EXOC3: variants seen among roughly 807,000 people sequenced by gnomAD.
EXOC3 encodes exocyst complex component 3.
Under a neutral mutation model 73.7 loss-of-function variants are expected in EXOC3, and 21 were observed. The ratio of observed to expected loss-of-function variants is 0.29; its 90% confidence interval spans 0.20 to 0.41. The LOEUF is 0.41. EXOC3 is among the 10% of genes least tolerant of loss of function. EXOC3 has a pLI of 1.00. For missense variants in EXOC3, 842 were observed against 985.1 expected, an observed-to-expected ratio of 0.85 and a Z score of 1.95; for synonymous variants, 410 against 389.1, an observed-to-expected ratio of 1.05 and a Z score of -0.63.
Position 443,217 on chromosome 5 carries a change from AGGGGGCGGC to A in EXOC3, c.-118_-110del, listed in dbSNP as rs1456831113. 10 of 134,826 alleles carry A rather than the reference AGGGGGCGGC, an allele frequency of 7.4e-5. No individual in the cohort carries two copies. The South Asian group carries it at 1.4e-3, about 18-fold the overall frequency. 8.4% of individuals were successfully genotyped at this position (134,826 alleles called of 1,614,324 possible). On this transcript the variant is annotated 5_prime_UTR_variant, in exon 1 of 13. Coordinates refer to ENST00000512944, the MANE Select transcript of EXOC3 (RefSeq NM_007277.5). ...CCGGAGGCGGAGGCAGCGAAGGCGG[AGGGGGCGGC>A]GGGGGCGGCGGCGGCGGCGGCGGCG...
chr5:463,407 C>A (rs1385255117), intron 9 of EXOC3, among the ~76,000 whole-genome samples: 4 of 152,216 alleles, frequency 2.6e-5, no homozygotes, highest in African/African-American at 9.7e-5. Flanking sequence ...GTGTCCTCAT[C>A]GTGAAACTAG....
intron 3 of EXOC3, among the ~76,000 whole-genome samples, chr5:452,255 T>C (rs994667355): frequency 6.6e-6 from 1 of 152,234 alleles, no homozygotes; most frequent in African/African-American, 2.4e-5. Flanking sequence ...ACTTGATATT[T>C]CCCATTGTCC....
chr5:466,048 G>T (rs1359505645), intron 12 of EXOC3: 13 of 490,058 alleles, frequency 2.7e-5, no homozygotes. Context: ...GGGCTACAGT[G>T]TGGGTGGGTG....
At chr5:459,286 A>G in intron 6 of EXOC3, 73 bp from the exon 7 acceptor site, 3 of 643,152 alleles carry the variant, frequency 4.7e-6, no homozygotes, top group Non-Finnish European at 4.9e-6. Flanking sequence ...GAGGTTTCAT[A>G]TAACAGCAAA....
chr5:446,246 A>C lies in EXOC3; in HGVS notation c.41A>C (p.Gln14Pro). Residue 14 changes from glutamine to proline, a missense_variant, in exon 2 of 13, where the codon CAA becomes CCA. Gln to Pro is a moderately conservative substitution (Grantham distance 76). Coordinates refer to ENST00000512944, the MANE Select transcript of EXOC3 (RefSeq NM_007277.5). ...CGGGAGGCCGTTGCGACAGCAGTGCAAAGGGTTGCTGGGATGCTCCAGCGC... is the reference window on the plus strand; with the variant it reads ...CGGGAGGCCGTTGCGACAGCAGTGCCAAGGGTTGCTGGGATGCTCCAGCGC... ...TDREAVATAV[Q>P]RVAGMLQRPD... 4 of 1,613,976 alleles carry C rather than the reference A, an allele frequency of 2.5e-6. No homozygotes were observed. The highest frequency in any genetic ancestry group is 3.4e-6 in the Non-Finnish European group (4 of 1,179,874).
intron 4 of EXOC3, among the ~76,000 whole-genome samples, chr5:454,594 C>G (rs531595063): frequency 1.3e-4 from 20 of 152,214 alleles, no homozygotes; most frequent in Non-Finnish European, 8.8e-5. Flanking sequence ...ACTCCATCAT[C>G]CTTTTTGTAT....
chr5:462,644 C>G (rs1738024666), intron 9 of EXOC3: 1 of 259,420 alleles, frequency 3.9e-6, no homozygotes, highest in South Asian at 9.6e-5. Context: ...TCACATAGAT[C>G]AGTTTCGCTT....
At chr5:465,988 G>C in intron 12 of EXOC3, 143 bp downstream of exon 12, 1 of 904,070 alleles carries the variant, frequency 1.1e-6, no homozygotes, top group Non-Finnish European at 1.6e-6. Flanking sequence ...GCACAGCGGG[G>C]CCCAGGCGCA....
At chr5:465,315 C>T (rs748981342) in intron 11 of EXOC3, 43 bp downstream of exon 11, 126 of 1,549,344 alleles carry the variant, frequency 8.1e-5, no homozygotes, top group Middle Eastern at 4.2e-4. Flanking sequence ...CCTGTCGCTC[C>T]GCGGCCCTGT....
rs1483314398 is a variant in EXOC3 at position 467,243 on chromosome 5, C to T, written c.*345C>T. Reference sequence around the variant, plus strand: ...TCACCGCACCCCATCTGCTTAAGTGCTCGGAACCCCGTCACCTAATTAAAG... The same window carrying T: ...TCACCGCACCCCATCTGCTTAAGTGTTCGGAACCCCGTCACCTAATTAAAG... On this transcript the variant is annotated 3_prime_UTR_variant, in exon 13 of 13. Coordinates refer to ENST00000512944, the MANE Select transcript of EXOC3 (RefSeq NM_007277.5). 2 of 269,422 alleles carry T rather than the reference C, an allele frequency of 7.4e-6. No individual in the cohort carries two copies. The highest frequency in any genetic ancestry group is 1.4e-5 in the Non-Finnish European group (2 of 143,342). The allele number at this position is 269,422 out of a possible 1,614,324, so 16.7% of individuals were successfully genotyped here. A position where few individuals can be genotyped will look rare whatever the true frequency, so the allele number is the denominator to read the frequency against.
rs1006691299 is a variant in EXOC3, at chr5:443,188, G to C, written c.-159G>C. 1.3e-5 allele frequency: 2 copies of C among 159,458 alleles called. No individual in the cohort carries two copies. Among genetic ancestry groups the C allele is most frequent in the Non-Finnish European group, 2.7e-5 (2 of 73,500 alleles). 9.9% of individuals were successfully genotyped at this position (159,458 alleles called of 1,614,324 possible). On this transcript the variant is annotated 5_prime_UTR_variant, in exon 1 of 13. Coordinates refer to ENST00000512944, the MANE Select transcript of EXOC3 (RefSeq NM_007277.5). The stretch of plus-strand genomic sequence containing the variant: ...CCGCGCGCTGTCCACTTCCGGCCGG[G>C]ACCCCGGAGGCGGAGGCAGCGAAGG...
intron 2 of EXOC3, 138 bp downstream of exon 2, chr5:446,487 T>G (rs1737512866): frequency 1.3e-6 from 1 of 773,312 alleles, no homozygotes; most frequent in Non-Finnish European, 2.0e-6. Flanking sequence ...GCAGTTACTT[T>G]CAGCAGTGTA....
intron 3 of EXOC3, among the ~76,000 whole-genome samples, chr5:451,603 A>G (rs907722309): frequency 2.6e-5 from 4 of 152,206 alleles, no homozygotes; most frequent in East Asian, 1.9e-4. Context: ...TGAAGTGTTA[A>G]TGATACTAGA....
At chr5:444,324 T>G (rs535712306) in intron 1 of EXOC3, among the ~76,000 whole-genome samples, 1 of 152,330 alleles carries the variant, frequency 6.6e-6, no homozygotes, top group African/African-American at 2.4e-5. Context: ...TTTCCCCTTT[T>G]CCACATGAGT....
intron 1 of EXOC3, among the ~76,000 whole-genome samples, 174 bp downstream of exon 1, chr5:443,464 T>TGTCCTCGGCGCAGGTGTC (rs1238814540): frequency 1.3e-5 from 2 of 152,128 alleles, no homozygotes; most frequent in Non-Finnish European, 2.9e-5. Context: ...CTCGTGCGAG[T>TGTCCTCGGCGCAGGTGTC]GTCCTCGGCG....
intron 9 of EXOC3, among the ~76,000 whole-genome samples, chr5:463,845 G>A (rs903807606): frequency 8.5e-5 from 13 of 152,176 alleles, no homozygotes; most frequent in African/African-American, 2.9e-4. Flanking sequence ...AAATAAATAC[G>A]ATAAATATAT....
At chr5:457,326 A>G (rs1049955605) in intron 5 of EXOC3, 3 of 324,630 alleles carry the variant, frequency 9.2e-6, no homozygotes, top group Non-Finnish European at 1.6e-5. Context: ...TCTGAGTCCC[A>G]TGGTTGGGGG....
rs189115912 is a variant in EXOC3, at chr5:455,741, C to T, written c.1047-1148C>T. ...GCCTCAGCCTCCCGAGTACCTGGGA[C>T]TACAGGCGCGTGCCACCATGCCCCG... On this transcript the variant is annotated intron_variant, in intron 4 of 12. Coordinates refer to ENST00000512944, the MANE Select transcript of EXOC3 (RefSeq NM_007277.5). Among the ~76,000 whole-genome samples the T allele has an allele frequency of 2.6e-3, 400 of 152,262 alleles. 3 individuals are homozygous for T. Among genetic ancestry groups the T allele is most frequent in the African/African-American group, 9.1e-3 (378 of 41,548 alleles).
At chr5:464,144 G>A (rs953143972) in intron 9 of EXOC3, 146 bp from the exon 10 acceptor site, 104 of 676,470 alleles carry the variant, frequency 1.5e-4, no homozygotes, top group Non-Finnish European at 7.1e-5. Context: ...GCTCTCGTGG[G>A]GCGTTGAGGT....
Sources: allele counts gnomAD v4.1 joint callset (sites outside exome capture counted in the v4.1 genomes callset), GRCh38; gene constraint gnomAD v4.1.1; transcripts MANE v1.5; gene names NCBI Gene and HGNC (gene_info 2026-07-23, HGNC 2026-07-21).